The following RGPD3 variants were observed in gnomAD, a reference collection of about 807,000 sequenced individuals.
RGPD3 encodes the protein RANBP2 like and GRIP domain containing 3, also known as ranBP2-like and GRIP domain-containing protein 3.
In RGPD3, 62 loss-of-function variants were observed where a neutral mutation model predicts 154.5. That is an observed-to-expected ratio of 0.40 (90% CI 0.33 to 0.50). The LOEUF (loss-of-function observed/expected upper bound fraction) is 0.50. Among genes scored for constraint, RGPD3 ranks in the 20% least tolerant of loss-of-function variants. The pLI, the probability that RGPD3 is intolerant of heterozygous loss-of-function variation, is 0.59. For synonymous variants in RGPD3, 308 were observed against 607.0 expected, an observed-to-expected ratio of 0.51 and a Z score of 7.24; for missense variants, 919 against 1,716.8, an observed-to-expected ratio of 0.54 and a Z score of 8.21.
At chr2:106,432,346 G>A (rs1418934557) in intron 17 of RGPD3, among the ~76,000 whole-genome samples, 16 of 148,130 alleles carry the variant, frequency 1.1e-4, no homozygotes, top group African/African-American at 3.5e-4. Context: ...CCAGCTACTC[G>A]GGAGGCTGAG....
rs1485301445 is a variant in RGPD3, at chr2:106,436,491, A to G, written c.1557T>C (p.Pro519=). The G allele has an allele frequency of 6.2e-7, 1 of 1,611,218 alleles. No individual in the cohort carries two copies. The highest frequency in any genetic ancestry group is 8.5e-7 in the Non-Finnish European group (1 of 1,179,348). ...SSYQPLCLPL[P]VCKQLCTERQ... is the part of the protein sequence containing the mutation. ...TTTCTGTACAAAGCTGTTTACACAC[A>G]GGAAGGGGCAGGCATAACGGCTGAT... Residue 519 remains proline, a synonymous_variant, in exon 11 of 23, where the codon CCT becomes CCC. Transcript: ENST00000409886.
chr2:106,412,561 G>A (rs1482802502), intron 22 of RGPD3, among the ~76,000 whole-genome samples: 1 of 151,342 alleles, frequency 6.6e-6, no homozygotes, highest in African/African-American at 2.4e-5. Flanking sequence ...GCCTGCCTCG[G>A]CCTCCCAAAG....
chr2:106,462,758 C>G (rs1466911160), intron 1 of RGPD3, among the ~76,000 whole-genome samples: 1 of 151,896 alleles, frequency 6.6e-6, no homozygotes, highest in South Asian at 2.1e-4. Context: ...CTCCCTCCCC[C>G]TAAAATCCTC....
rs1402034768 is a variant in RGPD3 at position 106,423,822 on chromosome 2, A to G, written c.4145T>C (p.Ile1382Thr). Residue 1382 changes from isoleucine to threonine, a missense_variant, in exon 20 of 23, where the codon ATA becomes ACA. By Grantham distance (89) the Ile-to-Thr change is moderately conservative (BLOSUM62 -1). Coordinates refer to ENST00000409886, the MANE Select transcript of RGPD3 (RefSeq NM_001144013.2). The part of the protein sequence containing the change: ...GQWKERGIGD[I>T]KILQNYDNKH... Reference sequence around the variant, plus strand: ...ATTATCATAATTCTGTAAAATCTTTATATCACCAATGCCCCTTTCTTTCCA... The same window carrying G: ...ATTATCATAATTCTGTAAAATCTTTGTATCACCAATGCCCCTTTCTTTCCA... 10 of 1,611,996 alleles carry G rather than the reference A, an allele frequency of 6.2e-6. No individual in the cohort carries two copies. Among genetic ancestry groups the G allele is most frequent in the South Asian group, 2.2e-5 (2 of 90,984 alleles).
In RGPD3 at chr2:106,418,103, G is replaced by A. The variant is rs1341195462; in HGVS notation, c.4925-2114C>T. Among the ~76,000 whole-genome samples the A allele has an allele frequency of 2.8e-5, 4 of 144,140 alleles. No homozygotes were observed. The Middle Eastern group carries it at 0.01, about 378-fold the overall frequency. The allele number at this position is 144,140 out of a possible 152,430, so 94.6% of individuals were successfully genotyped here. On this transcript the variant is annotated intron_variant, in intron 20 of 22. Coordinates refer to ENST00000409886, the MANE Select transcript of RGPD3 (RefSeq NM_001144013.2). ...AGATCACGCCACTGCACTTCAGCCT[G>A]GTGACAGAGCAAGACTCCAGCTCAA...
At chr2:106,463,426 G>A (rs1304315961) in intron 1 of RGPD3, among the ~76,000 whole-genome samples, 1 of 151,628 alleles carries the variant, frequency 6.6e-6, no homozygotes, top group Non-Finnish European at 1.5e-5. Flanking sequence ...GGTGAGCTGA[G>A]ACCATGCCAC....
Position 106,405,147 on chromosome 2 carries a change from C to T in RGPD3, c.*72G>A. The T allele has an allele frequency of 1.3e-6, 2 of 1,595,548 alleles. No individual in the cohort carries two copies. Among genetic ancestry groups the T allele is most frequent in the Non-Finnish European group, 1.7e-6 (2 of 1,171,102 alleles). On this transcript the variant is annotated 3_prime_UTR_variant, in exon 23 of 23. Coordinates refer to ENST00000409886, the MANE Select transcript of RGPD3 (RefSeq NM_001144013.2). ...ATTTTATTTGGTTAATAAAAACATT[C>T]CTTCCATCAACCTATCGAAGTCCAA...
At chr2:106,418,180 A>T (rs1676871146) in intron 20 of RGPD3, among the ~76,000 whole-genome samples, 1 of 145,194 alleles carries the variant, frequency 6.9e-6, no homozygotes, top group Admixed American at 7.0e-5. Context: ...TAACTACGTT[A>T]GTCATTTTAA....
At chr2:106,448,310 C>T (rs1311861128) in intron 6 of RGPD3, among the ~76,000 whole-genome samples, 1 of 152,220 alleles carries the variant, frequency 6.6e-6, no homozygotes, top group African/African-American at 2.4e-5. Flanking sequence ...CAGGGTTTTA[C>T]TATGTTGGCC....
chr2:106,448,303 G>C (rs1230757587), intron 6 of RGPD3, among the ~76,000 whole-genome samples: 2 of 152,176 alleles, frequency 1.3e-5, no homozygotes, highest in Non-Finnish European at 2.9e-5. Flanking sequence ...GTAGAGACAG[G>C]GTTTTACTAT....
chr2:106,466,265 G>A (rs919435939), intron 1 of RGPD3, among the ~76,000 whole-genome samples: 3 of 151,954 alleles, frequency 2.0e-5, no homozygotes, highest in Non-Finnish European at 2.9e-5. Flanking sequence ...CAAGCGCCGC[G>A]CCGCCCACAG....
chr2:106,418,818 T>C (rs1366331544), intron 20 of RGPD3, among the ~76,000 whole-genome samples: 1 of 150,440 alleles, frequency 6.6e-6, no homozygotes, highest in African/African-American at 2.4e-5. Context: ...TCCACCCGCC[T>C]TGGCCTCCCA....
chr2:106,455,316 C>CATGCTT, intron 4 of RGPD3, among the ~76,000 whole-genome samples: 1 of 131,004 alleles, frequency 7.6e-6, no homozygotes, highest in Non-Finnish European at 1.6e-5. Flanking sequence ...CAAAAGGTCA[C>CATGCTT]ATGCTTGGCT....
chr2:106,468,066 G>A lies in RGPD3; in HGVS notation c.72+151C>T. 5 of 997,660 alleles carry A rather than the reference G, an allele frequency of 5.0e-6. No homozygotes were observed. The East Asian group carries it at 1.3e-4, about 25-fold the overall frequency. 61.8% of individuals were successfully genotyped at this position (997,660 alleles called of 1,614,324 possible). ...CCTGAGCCATCGAGGCCGCCGCAGG[G>A]CCAGGTCGAGGCCGCCGCCTCCACA... is the stretch of plus-strand genomic sequence containing the variant. On this transcript the variant is annotated intron_variant, in intron 1 of 22. Transcript: ENST00000409886.
intron 22 of RGPD3, 146 bp from the exon 23 acceptor site, chr2:106,405,375 C>CA: frequency 1.7e-5 from 7 of 412,180 alleles, no homozygotes; most frequent in Admixed American, 4.9e-5. Context: ...GGGGGGGGTT[C>CA]TTTTTTTTTT....
intron 7 of RGPD3, among the ~76,000 whole-genome samples, chr2:106,445,191 A>G (rs1677872549): frequency 7.3e-6 from 1 of 136,532 alleles, no homozygotes; most frequent in African/African-American, 2.8e-5. Context: ...CGGGAGGCTG[A>G]GGCAGGAGAA....
intron 7 of RGPD3, among the ~76,000 whole-genome samples, chr2:106,441,698 TAA>T (rs1210718607): frequency 7.8e-6 from 1 of 128,756 alleles, no homozygotes. Context: ...CTACTAAAAA[TAA>T]AAAAAAAAAA....
intron 18 of RGPD3, 38 bp from the exon 19 acceptor site, chr2:106,426,126 A>G (rs1344652857): frequency 5.6e-6 from 9 of 1,593,704 alleles, no homozygotes; most frequent in Non-Finnish European, 7.6e-6. Flanking sequence ...ACACTGTTAA[A>G]GTCTATACTA....
At chr2:106,421,373 C>T (rs1676981562) in intron 20 of RGPD3, among the ~76,000 whole-genome samples, 1 of 151,992 alleles carries the variant, frequency 6.6e-6, no homozygotes, top group Non-Finnish European at 1.5e-5. Flanking sequence ...TAACACTTTT[C>T]ACATTTCTCA....
Sources: allele counts gnomAD v4.1 joint callset (sites outside exome capture counted in the v4.1 genomes callset), GRCh38; gene constraint gnomAD v4.1.1; transcripts MANE v1.5; gene names NCBI Gene and HGNC (gene_info 2026-07-23, HGNC 2026-07-21).